MAF: variants seen among roughly 807,000 people sequenced by gnomAD.
MAF encodes MAF bZIP transcription factor.
In MAF, 10 loss-of-function variants were observed where a neutral mutation model predicts 22.0. That is an observed-to-expected ratio of 0.45 (90% CI 0.28 to 0.77). MAF has a LOEUF of 0.77. Among genes scored for constraint, MAF ranks in the 30% least tolerant of loss-of-function variants. The pLI is 0.12. For missense variants in MAF, 544 were observed against 548.4 expected (o/e 0.99, Z 0.08); for synonymous variants, 337 against 255.8 (o/e 1.32, Z -3.03).
the MAF span, among the ~76,000 whole-genome samples, chr16:79,347,019 C>G: frequency 1.3e-5 from 2 of 152,206 alleles, no homozygotes; most frequent in African/African-American, 4.8e-5. Flanking sequence ...AACTCACACT[C>G]AGCCAAATGG....
the MAF span, among the ~76,000 whole-genome samples, chr16:79,250,917 G>C: frequency 6.6e-6 from 1 of 152,136 alleles, no homozygotes; most frequent in Non-Finnish European, 1.5e-5. Context: ...TGGACAAGTG[G>C]TGACTGTATT....
At chr16:79,239,662 C>G in the MAF span, among the ~76,000 whole-genome samples, 2 of 152,036 alleles carry the variant, frequency 1.3e-5, no homozygotes, top group African/African-American at 2.4e-5. Flanking sequence ...AGCTGGGAAT[C>G]ACAGATTTAT....
the MAF span, among the ~76,000 whole-genome samples, chr16:79,410,813 G>A: frequency 2.6e-5 from 4 of 152,196 alleles, no homozygotes; most frequent in Non-Finnish European, 4.4e-5. Context: ...GATGGCAGAT[G>A]ACTTGTAGGG....
At chr16:79,535,163 A>C in the MAF span, among the ~76,000 whole-genome samples, 1 of 152,068 alleles carries the variant, frequency 6.6e-6, no homozygotes, top group Non-Finnish European at 1.5e-5. Context: ...CAGTGGCTTT[A>C]ACTGACAGAG....
At chr16:79,402,709 G>T in the MAF span, among the ~76,000 whole-genome samples, 4 of 152,230 alleles carry the variant, frequency 2.6e-5, no homozygotes, top group African/African-American at 9.6e-5. Context: ...GGTTTCTGGA[G>T]CCCCCATGAC....
chr16:79,393,601 C>T, the MAF span, among the ~76,000 whole-genome samples: 2 of 152,112 alleles, frequency 1.3e-5, no homozygotes, highest in Non-Finnish European at 2.9e-5. Context: ...AGCTCCAGCC[C>T]CTGGGTGCAG....
chr16:79,551,978 T>TC, the MAF span, among the ~76,000 whole-genome samples: 2 of 151,880 alleles, frequency 1.3e-5, no homozygotes, highest in South Asian at 4.2e-4. Context: ...CAGCTGTGAT[T>TC]TTTTTTTAAT....
At chr16:79,560,318 G>A in the MAF span, among the ~76,000 whole-genome samples, 5 of 151,776 alleles carry the variant, frequency 3.3e-5, no homozygotes, top group African/African-American at 9.7e-5. Context: ...AGATGAACGC[G>A]AAGAGACAGG....
At chr16:79,460,157 A>G in the MAF span, among the ~76,000 whole-genome samples, 1 of 152,004 alleles carries the variant, frequency 6.6e-6, no homozygotes. Flanking sequence ...TCTGTTTATC[A>G]TTTTTATTTT....
the MAF span, among the ~76,000 whole-genome samples, chr16:79,345,412 T>C: frequency 1.3e-5 from 2 of 152,152 alleles, no homozygotes; most frequent in East Asian, 3.8e-4. Flanking sequence ...AGAACTTGTA[T>C]TCTAAAAACT....
chr16:79,423,605 T>A, the MAF span, among the ~76,000 whole-genome samples: 2 of 152,178 alleles, frequency 1.3e-5, no homozygotes, highest in African/African-American at 4.8e-5. Flanking sequence ...GCTATAGCTG[T>A]TTAGTGTTAT....
At chr16:79,595,230 G>C (rs1340883741) in intron 1 of MAF, 1 of 1,043,884 alleles carries the variant, frequency 9.6e-7, no homozygotes, top group Admixed American at 5.6e-5. Flanking sequence ...AATTAAGTGT[G>C]GATTCAGGAG....
chr16:79,388,603 C>T, the MAF span, among the ~76,000 whole-genome samples: 22 of 152,270 alleles, frequency 1.4e-4, no homozygotes, highest in South Asian at 3.7e-3. Context: ...CCTTTGTTTG[C>T]TTTTCCTTAT....
chr16:79,482,451 G>A, the MAF span, among the ~76,000 whole-genome samples: 2 of 152,146 alleles, frequency 1.3e-5, no homozygotes, highest in African/African-American at 2.4e-5. Context: ...ACCTGAGCTG[G>A]CTGCTGGATG....
At chr16:79,258,491 C>T in the MAF span, among the ~76,000 whole-genome samples, 5 of 152,218 alleles carry the variant, frequency 3.3e-5, no homozygotes, top group Non-Finnish European at 1.5e-5. Context: ...AAATTTTCCT[C>T]TCTCCTGTAA....
the MAF span, among the ~76,000 whole-genome samples, chr16:79,216,766 T>C: frequency 6.6e-6 from 1 of 152,154 alleles, no homozygotes; most frequent in Non-Finnish European, 1.5e-5. Context: ...ATGTGTGTAT[T>C]TGTAGTATAT....
the MAF span, among the ~76,000 whole-genome samples, chr16:79,291,750 T>A: frequency 2.0e-5 from 3 of 149,050 alleles, no homozygotes; most frequent in Non-Finnish European, 4.4e-5. Flanking sequence ...TATTATTTAT[T>A]CATTCAAAAG....
chr16:79,407,837 C>T, the MAF span, among the ~76,000 whole-genome samples: 21 of 152,156 alleles, frequency 1.4e-4, no homozygotes, highest in South Asian at 2.7e-3. Context: ...TTCATGAATG[C>T]CTCAATTCCT....
chr16:79,342,921 C>T, the MAF span, among the ~76,000 whole-genome samples: 75 of 152,200 alleles, frequency 4.9e-4, no homozygotes, highest in Middle Eastern at 0.01. Context: ...TTAAATTGCT[C>T]TCCTTACCAT....
Sources: allele counts gnomAD v4.1 joint callset (sites outside exome capture counted in the v4.1 genomes callset), GRCh38; gene constraint gnomAD v4.1.1; transcripts MANE v1.5; gene names NCBI Gene and HGNC (gene_info 2026-07-23, HGNC 2026-07-21).